PSD2: variants seen among roughly 807,000 people sequenced by gnomAD.
The protein encoded by PSD2 is pleckstrin and Sec7 domain containing 2.
Under a neutral mutation model 69.8 loss-of-function variants are expected in PSD2, and 38 were observed. The ratio of observed to expected loss-of-function variants is 0.54; its 90% confidence interval spans 0.42 to 0.71. The LOEUF (loss-of-function observed/expected upper bound fraction) is 0.71. Ranked by LOEUF, PSD2 falls within the 30% of genes least tolerant of loss-of-function variation. The pLI, the probability that PSD2 is intolerant of heterozygous loss-of-function variation, is 0.00. For synonymous variants in PSD2, 412 were observed against 423.0 expected (o/e 0.97, Z 0.32); for missense variants, 943 against 1,014.5 (o/e 0.93, Z 0.96).
intron 14 of PSD2, among the ~76,000 whole-genome samples, chr5:139,841,579 G>C (rs1388564287): frequency 6.6e-6 from 1 of 152,082 alleles, no homozygotes; most frequent in East Asian, 1.9e-4. Flanking sequence ...TTAACTTTTC[G>C]ATAAACCACC....
chr5:139,840,491 C>T (rs1760847433), intron 14 of PSD2, among the ~76,000 whole-genome samples: 1 of 152,084 alleles, frequency 6.6e-6, no homozygotes, highest in African/African-American at 2.4e-5. Flanking sequence ...CAGCACTGGG[C>T]ATTGCAAAAC....
Position 139,814,639 on chromosome 5 carries a change from T to C in PSD2, c.1016+275T>C, listed in dbSNP as rs1462322951. ...GGGTGCGGGATGTGGGATGTGGTTA[T>C]GGGGCCACGATGGATGTGAGGACAG... On this transcript the variant is annotated intron_variant, in intron 4 of 14. Transcript: ENST00000274710. The surrounding 1 kb of genome is among the most constrained non-coding windows in gnomAD (Gnocchi z 4.4). 6.6e-6 allele frequency among the ~76,000 whole-genome samples: 1 copy of C among 151,840 alleles called. No individual in the cohort carries two copies. Among genetic ancestry groups the C allele is most frequent in the Non-Finnish European group, 1.5e-5 (1 of 67,930 alleles).
At chr5:139,747,967 A>G in the PSD2 span, among the ~76,000 whole-genome samples, 2 of 152,260 alleles carry the variant, frequency 1.3e-5, no homozygotes, top group Non-Finnish European at 2.9e-5. This position sits in a 1 kb window ranked among gnomAD's most constrained non-coding sequence, Gnocchi z 6.7. Flanking sequence ...CACTTTGAGC[A>G]GCCAAATGCG....
intron 13 of PSD2, among the ~76,000 whole-genome samples, chr5:139,839,000 G>A (rs1280940440): frequency 6.6e-6 from 1 of 152,204 alleles, no homozygotes; most frequent in East Asian, 1.9e-4. Flanking sequence ...GCATGGAGCT[G>A]CCTCTATGCC....
At chr5:139,817,624 G>A in intron 5 of PSD2, 63 bp downstream of exon 5, 1 of 1,352,128 alleles carries the variant, frequency 7.4e-7, no homozygotes, top group Non-Finnish European at 1.1e-6. Context: ...GGATTCTCAT[G>A]TCAACTCTAC....
intron 14 of PSD2, 142 bp downstream of exon 14, chr5:139,840,312 G>GTT: frequency 1.1e-6 from 1 of 906,088 alleles, no homozygotes; most frequent in Non-Finnish European, 1.7e-6. Context: ...AGGGTCCCCT[G>GTT]ACCTTTAGTC....
chr5:139,820,935 G>GTT (rs11394658), intron 5 of PSD2, among the ~76,000 whole-genome samples: 132 of 146,788 alleles, frequency 9.0e-4, no homozygotes, highest in African/African-American at 2.5e-3. Context: ...GCCAGAGGTT[G>GTT]TTTTTTTTTT....
chr5:139,817,376 AG>A, intron 4 of PSD2, 104 bp from the exon 5 acceptor site: 1 of 847,490 alleles, frequency 1.2e-6, no homozygotes. Context: ...GAGCAGGTCT[AG>A]GGGGTGGGTG....
rs1482360031 is a variant in PSD2, at chr5:139,840,150, G to A, written c.2092G>A (p.Glu698Lys). Residue 698 changes from glutamate (E) to lysine (K), a missense_variant, in exon 14 of 15, where the codon GAG becomes AAG. Physicochemically the swap from Glu to Lys is moderately conservative, Grantham distance 56. Transcript: ENST00000274710. Reference sequence around the variant, plus strand: ...GGAGGCCGAGGAGTACCGGTTGAAGGAGCACTATCTCACCTTCGAGGTGAG... The same window carrying A: ...GGAGGCCGAGGAGTACCGGTTGAAGAAGCACTATCTCACCTTCGAGGTGAG... ...SKEAEEYRLKEHYLTFEKSRY... is the reference protein window; with the variant it reads ...SKEAEEYRLKKHYLTFEKSRY... The A allele has an allele frequency of 3.7e-6, 6 of 1,614,048 alleles. No individual in the cohort carries two copies. Among genetic ancestry groups the A allele is most frequent in the African/African-American group, 2.7e-5 (2 of 74,936 alleles).
chr5:139,751,679 T>C, the PSD2 span, among the ~76,000 whole-genome samples: 3 of 152,152 alleles, frequency 2.0e-5, no homozygotes, highest in Non-Finnish European at 2.9e-5. Context: ...TGTGAGATAA[T>C]TGAGATGTCG....
chr5:139,767,044 G>A, the PSD2 span, among the ~76,000 whole-genome samples: 8 of 147,350 alleles, frequency 5.4e-5, no homozygotes, highest in African/African-American at 2.0e-4. Context: ...CCAGGCTGGA[G>A]TGCAGTGGCA....
chr5:139,834,876 A>G (rs1382129485), intron 8 of PSD2, among the ~76,000 whole-genome samples: 2 of 151,542 alleles, frequency 1.3e-5, no homozygotes, highest in East Asian at 1.9e-4. Context: ...TCATCCTCCC[A>G]TGCATCCACC....
rs573893474 is a variant in PSD2 at position 139,828,816 on chromosome 5, ACCC to A, written c.1270-4885_1270-4883del. Among the ~76,000 whole-genome samples the A allele has an allele frequency of 3.3e-3, 510 of 152,258 alleles. 3 individuals carry two copies. Among genetic ancestry groups the A allele is most frequent in the Admixed American group, 5.0e-3 (76 of 15,304 alleles). ...CTATGTGGATGATGGCCTGGGCATC[ACCC>A]TGTACCCGTCTAGCCTCTACTCTGG... On this transcript the variant is annotated intron_variant, in intron 7 of 14. Coordinates refer to ENST00000274710, the MANE Select transcript of PSD2 (RefSeq NM_032289.4).
intron 1 of PSD2, among the ~76,000 whole-genome samples, chr5:139,805,298 G>A (rs1380701107): frequency 6.6e-6 from 1 of 152,222 alleles, no homozygotes; most frequent in Non-Finnish European, 1.5e-5. Context: ...TGACAATCTA[G>A]CATTCCATCA....
chr5:139,788,458 T>G, the PSD2 span, among the ~76,000 whole-genome samples: 1 of 152,206 alleles, frequency 6.6e-6, no homozygotes, highest in African/African-American at 2.4e-5. Flanking sequence ...CTGGCCACTC[T>G]AATTCTAGCA....
At chr5:139,831,025 G>A (rs1760589171) in intron 7 of PSD2, among the ~76,000 whole-genome samples, 1 of 151,954 alleles carries the variant, frequency 6.6e-6, no homozygotes. Context: ...TAAGAGAGCA[G>A]TGTTAAAATC....
intron 1 of PSD2, among the ~76,000 whole-genome samples, chr5:139,799,214 C>G (rs1366628476): frequency 6.6e-6 from 1 of 152,184 alleles, no homozygotes; most frequent in African/African-American, 2.4e-5. Context: ...AATTCTGTTC[C>G]TCCCCCTTCC....
At chr5:139,772,229 G>A in the PSD2 span, among the ~76,000 whole-genome samples, 9 of 152,074 alleles carry the variant, frequency 5.9e-5, no homozygotes, top group South Asian at 2.1e-4. Context: ...CCCTCCTCCC[G>A]CTCTATGACT....
At position 139,821,799 on chromosome 5, in the gene PSD2, C is replaced by T. The variant is rs1056958630; in HGVS notation, c.1098-94C>T. 1.2e-5 allele frequency: 8 copies of T among 658,910 alleles called. No individual in the cohort carries two copies. In the African/African-American group the frequency reaches 1.5e-4, roughly 12 times the overall value. 40.8% of individuals were successfully genotyped at this position (658,910 alleles called of 1,614,324 possible). A position where few individuals can be genotyped will look rare whatever the true frequency, so the allele number is the denominator to read the frequency against. Reference sequence around the variant, plus strand: ...AGAGAGTGGGGCACTGGAGCCCTGGCCCCCTAGAGTGGGTGTGTGCTGTGT... The same window carrying T: ...AGAGAGTGGGGCACTGGAGCCCTGGTCCCCTAGAGTGGGTGTGTGCTGTGT... On this transcript the variant is annotated intron_variant, in intron 5 of 14. Coordinates refer to ENST00000274710, the MANE Select transcript of PSD2 (RefSeq NM_032289.4).
Sources: allele counts gnomAD v4.1 joint callset (sites outside exome capture counted in the v4.1 genomes callset), GRCh38; gene constraint gnomAD v4.1.1; non-coding constraint Gnocchi (gnomAD v3.1); transcripts MANE v1.5; gene names NCBI Gene and HGNC (gene_info 2026-07-23, HGNC 2026-07-21).